Variants in VTCN1 observed in about 807,000 individuals in gnomAD.
VTCN1 encodes the protein V-set domain-containing T-cell activation inhibitor 1.
A neutral mutation model predicts 26.5 loss-of-function variants in VTCN1; 26 were observed. The ratio of observed to expected loss-of-function variants is 0.98; its 90% CI spans 0.72 to 1.36. The LOEUF (loss-of-function observed/expected upper bound fraction) is 1.36. Among genes scored for constraint, VTCN1 ranks in the 40% most tolerant of loss-of-function variants. The probability of loss-of-function intolerance (pLI) is 0.00; values close to 1 mark genes in which losing one functional copy is unlikely to be tolerated. For synonymous variants in VTCN1, 116 were observed against 130.7 expected (o/e 0.89, Z 0.77); for missense variants, 298 against 337.7 (o/e 0.88, Z 0.92).
chr1:117,193,823 A>G (rs1297143045), intron 1 of VTCN1, among the ~76,000 whole-genome samples: 3 of 152,212 alleles, frequency 2.0e-5, no homozygotes, highest in Admixed American at 1.3e-4. Context: ...GTCCACATGC[A>G]AAAGAAAGAA....
At chr1:117,201,405 G>C (rs989004195) in intron 1 of VTCN1, among the ~76,000 whole-genome samples, 1 of 152,134 alleles carries the variant, frequency 6.6e-6, no homozygotes, top group Non-Finnish European at 1.5e-5. Context: ...ACAGTAACTC[G>C]GGATTATGGC....
chr1:117,158,204 C>T (rs1652185690), intron 2 of VTCN1, among the ~76,000 whole-genome samples: 1 of 152,218 alleles, frequency 6.6e-6, no homozygotes, highest in Non-Finnish European at 1.5e-5. Flanking sequence ...CTAAGTGGTG[C>T]ACCAGGGGGA....
chr1:117,183,950 A>G lies in VTCN1; in HGVS notation c.33-13779T>C, dbSNP rs766587243. Among the ~76,000 whole-genome samples, 5 of 152,146 alleles carry G rather than the reference A, an allele frequency of 3.3e-5. No homozygotes were observed. Among genetic ancestry groups the G allele is most frequent in the Non-Finnish European group, 5.9e-5 (4 of 68,026 alleles). On this transcript the variant is annotated intron_variant, in intron 1 of 5. Coordinates refer to ENST00000369458, the MANE Select transcript of VTCN1 (RefSeq NM_024626.4). This position sits in a 1 kb window ranked among gnomAD's most constrained non-coding sequence, Gnocchi z 4.1. ...CAATGGCTATGCATTCCAGGGACCA[A>G]AAGCTTCTGTCTTCAGAGCCATACC...
intron 4 of VTCN1, among the ~76,000 whole-genome samples, chr1:117,152,168 T>A (rs1312882636): frequency 1.3e-5 from 2 of 152,192 alleles, no homozygotes; most frequent in Non-Finnish European, 2.9e-5. Context: ...TTTGTGTGTG[T>A]GAGTGTAATT....
intron 1 of VTCN1, among the ~76,000 whole-genome samples, chr1:117,177,507 G>A (rs1262770580): frequency 6.6e-6 from 1 of 152,192 alleles, no homozygotes; most frequent in South Asian, 2.1e-4. Flanking sequence ...TGGGGCTTGA[G>A]GGGTGTGTGT....
In VTCN1 at chr1:117,147,296, A is replaced by C. The variant is rs750951992; in HGVS notation, c.*45+317T>G. ...ATAAATAACAGTGGAATCCAGGGTAATTACTCAGGGCTAAATATCTCTTTC... is the reference window on the plus strand; with the variant it reads ...ATAAATAACAGTGGAATCCAGGGTACTTACTCAGGGCTAAATATCTCTTTC... On this transcript the variant is annotated intron_variant, in intron 5 of 5. Coordinates refer to ENST00000369458, the MANE Select transcript of VTCN1 (RefSeq NM_024626.4). This position sits in a 1 kb window ranked among gnomAD's most constrained non-coding sequence, Gnocchi z 4.6. 5.9e-5 allele frequency among the ~76,000 whole-genome samples: 9 copies of C among 152,186 alleles called. No individual in the cohort carries two copies. Among genetic ancestry groups the C allele is most frequent in the Non-Finnish European group, 1.2e-4 (8 of 68,026 alleles).
chr1:117,194,863 TA>T (rs898385938), intron 1 of VTCN1, among the ~76,000 whole-genome samples: 1 of 152,072 alleles, frequency 6.6e-6, no homozygotes, highest in African/African-American at 2.4e-5. Flanking sequence ...TGCCAGGGGA[TA>T]GGGGTTAGGG....
rs1222623756 is a variant in VTCN1 at position 117,175,810 on chromosome 1, G to A, written c.33-5639C>T. 7.6e-6 allele frequency among the ~76,000 whole-genome samples: 1 copy of A among 130,814 alleles called. No homozygotes were observed. The highest frequency in any genetic ancestry group is 8.3e-5 in the Admixed American group (1 of 12,034). 85.8% of individuals were successfully genotyped at this position (130,814 alleles called of 152,430 possible). A position where few individuals can be genotyped will look rare whatever the true frequency, so the allele number is the denominator to read the frequency against. On this transcript the variant is annotated intron_variant, in intron 1 of 5. Transcript: ENST00000369458. This position sits in a 1 kb window ranked among gnomAD's most constrained non-coding sequence, Gnocchi z 4.2. ...TTTTGAGATGGAGTTTCACTCTGTT[G>A]CCCAGGCTGGAGTGCACTGGCATGA...
At chr1:117,192,342 A>G (rs1463727529) in intron 1 of VTCN1, among the ~76,000 whole-genome samples, 2 of 152,150 alleles carry the variant, frequency 1.3e-5, no homozygotes, top group Non-Finnish European at 1.5e-5. Context: ...ATTCACAAAC[A>G]AAAGCTGAGA....
intron 2 of VTCN1, among the ~76,000 whole-genome samples, chr1:117,160,335 C>T (rs868310967): frequency 5.3e-5 from 8 of 152,202 alleles, no homozygotes; most frequent in Non-Finnish European, 1.0e-4. Flanking sequence ...CCCAACATAA[C>T]GGGTCCTGAG....
At chr1:117,176,683 A>T (rs1473409624) in intron 1 of VTCN1, among the ~76,000 whole-genome samples, 2 of 152,236 alleles carry the variant, frequency 1.3e-5, no homozygotes, top group Non-Finnish European at 2.9e-5. Context: ...ATTTGAATAT[A>T]CCAAGGAGGA....
In VTCN1 at chr1:117,175,512, A is replaced by G. The variant is rs565424087; in HGVS notation, c.33-5341T>C. 6.6e-6 allele frequency among the ~76,000 whole-genome samples: 1 copy of G among 152,320 alleles called. No individual in the cohort carries two copies. The highest frequency in any genetic ancestry group is 1.9e-4 in the East Asian group (1 of 5,176). On this transcript the variant is annotated intron_variant, in intron 1 of 5. Coordinates refer to ENST00000369458, the MANE Select transcript of VTCN1 (RefSeq NM_024626.4). This position sits in a 1 kb window ranked among gnomAD's most constrained non-coding sequence, Gnocchi z 4.2. The stretch of plus-strand genomic sequence containing the variant: ...TCAAAAAAATTCTTTTTCATAAAAT[A>G]AAAATAGAACTGAAAGCCATGCTAA...
chr1:117,195,928 A>T (rs1043989769), intron 1 of VTCN1, among the ~76,000 whole-genome samples: 1 of 152,136 alleles, frequency 6.6e-6, no homozygotes, highest in African/African-American at 2.4e-5. Context: ...AGTAGGGAGG[A>T]TTGCCTGAGC....
At chr1:117,164,361 T>G (rs761705572) in intron 2 of VTCN1, among the ~76,000 whole-genome samples, 3 of 148,724 alleles carry the variant, frequency 2.0e-5, no homozygotes, top group African/African-American at 7.5e-5. Flanking sequence ...GGCAGGGGGG[T>G]GGGGTTGCGG....
chr1:117,162,210 C>T (rs1461757427), intron 2 of VTCN1, among the ~76,000 whole-genome samples: 1 of 152,250 alleles, frequency 6.6e-6, no homozygotes, highest in South Asian at 2.1e-4. Flanking sequence ...CTTAAAAAAA[C>T]CACAGGGACC....
intron 2 of VTCN1, among the ~76,000 whole-genome samples, chr1:117,168,068 G>A (rs879652545): frequency 5.3e-5 from 8 of 152,138 alleles, no homozygotes; most frequent in East Asian, 1.9e-4. Context: ...ATATTAGAAC[G>A]AAACAGGCTA....
At chr1:117,149,180 A>G (rs1651666405) in intron 4 of VTCN1, among the ~76,000 whole-genome samples, 1 of 152,032 alleles carries the variant, frequency 6.6e-6, no homozygotes. Context: ...CATGCTGGCT[A>G]TTGTGCTAAG....
chr1:117,177,199 A>G (rs1353256962), intron 1 of VTCN1, among the ~76,000 whole-genome samples: 2 of 152,234 alleles, frequency 1.3e-5, no homozygotes, highest in Non-Finnish European at 2.9e-5. Flanking sequence ...AAAAGGAATT[A>G]TTTTAAATGC....
At chr1:117,206,462 G>T (rs1313900157) in intron 1 of VTCN1, among the ~76,000 whole-genome samples, 1 of 152,126 alleles carries the variant, frequency 6.6e-6, no homozygotes, top group Non-Finnish European at 1.5e-5. Context: ...TACAGCCCTA[G>T]GAGTTAGGTA....
Sources: gnomAD v4.1 joint callset for allele counts (sites outside exome capture counted in the v4.1 genomes callset) on GRCh38, gnomAD v4.1.1 for gene constraint, Gnocchi (gnomAD v3.1) non-coding constraint, MANE v1.5 for transcripts, NCBI Gene and HGNC (gene_info 2026-07-23, HGNC 2026-07-21) for gene names.